Variants in PM20D1 observed in about 807,000 individuals in gnomAD.
PM20D1 encodes peptidase M20 domain containing 1.
In PM20D1, 53 loss-of-function variants were observed where a neutral mutation model predicts 53.8. The observed-to-expected ratio is 0.98, with a 90% CI of 0.79 to 1.24. The LOEUF is 1.24. Ranked by LOEUF, PM20D1 falls within the 50% of genes most tolerant of loss-of-function variation. The probability of loss-of-function intolerance (pLI) is 0.00; values close to 1 mark genes in which losing one functional copy is unlikely to be tolerated. For synonymous variants in PM20D1, 239 were observed against 241.3 expected (o/e 0.99, Z 0.09); for missense variants, 564 against 616.8 (o/e 0.91, Z 0.91).
chr1:205,846,564 C>A (rs1656990118), intron 2 of PM20D1, among the ~76,000 whole-genome samples: 1 of 151,970 alleles, frequency 6.6e-6, no homozygotes, highest in Non-Finnish European at 1.5e-5. Flanking sequence ...AATTAGTAGG[C>A]CTCATTAACC....
At chr1:205,838,233 T>C (rs1414739635) in intron 10 of PM20D1, among the ~76,000 whole-genome samples, 1 of 151,534 alleles carries the variant, frequency 6.6e-6, no homozygotes, top group Non-Finnish European at 1.5e-5. Flanking sequence ...TGATAGTCAC[T>C]GGGTTGTCTT....
At chr1:205,841,270 C>T (rs977422841) in intron 9 of PM20D1, among the ~76,000 whole-genome samples, 3 of 152,112 alleles carry the variant, frequency 2.0e-5, no homozygotes, top group Admixed American at 6.5e-5. Flanking sequence ...TCTTTGAACT[C>T]GTATGGTGCA....
In PM20D1 at chr1:205,843,707, T is replaced by C. The variant is rs755511275; in HGVS notation, c.787A>G (p.Lys263Glu). The change falls in exon 6 of 13, where the codon AAG becomes GAG. Residue 263 changes from lysine (K) to glutamate (E), a missense_variant. Lys to Glu is a moderately conservative substitution (Grantham distance 56). Coordinates refer to ENST00000367136, the MANE Select transcript of PM20D1 (RefSeq NM_152491.5). ...MTSGHSSAPP[K>E]ETSIGILAAA... ...GCAAGGATGCCAATGCTTGTCTCCT[T>C]TGGAGGAGCTGAAGAGTGGCCTGAA... is the stretch of plus-strand genomic sequence containing the variant. 2.5e-5 allele frequency: 40 copies of C among 1,614,108 alleles called. No individual in the cohort carries two copies. The highest frequency in any genetic ancestry group is 3.4e-5 in the Non-Finnish European group (40 of 1,180,020).
chr1:205,843,840 C>T (rs1656876166), intron 5 of PM20D1, 54 bp from the exon 6 acceptor site: 2 of 1,586,052 alleles, frequency 1.3e-6, no homozygotes, highest in East Asian at 2.2e-5. Context: ...TCTGAATTCT[C>T]CCATAGGCCC....
chr1:205,842,584 A>G (rs1404778716), intron 7 of PM20D1, 92 bp downstream of exon 7: 4 of 1,247,976 alleles, frequency 3.2e-6, no homozygotes, highest in Non-Finnish European at 4.7e-6. Flanking sequence ...AGTGCTGGAC[A>G]GTACTAGGGT....
intron 4 of PM20D1, 30 bp downstream of exon 4, chr1:205,844,781 A>C: frequency 1.3e-4 from 201 of 1,573,986 alleles, no homozygotes; most frequent in Non-Finnish European, 1.6e-4. Flanking sequence ...AACAGAGGAC[A>C]GAGATAGGTA....
rs1482998698 is a variant in PM20D1 at position 205,842,140 on chromosome 1, A to G, written c.965+14T>C. On this transcript the variant is annotated intron_variant, in intron 8 of 12. Coordinates refer to ENST00000367136, the MANE Select transcript of PM20D1 (RefSeq NM_152491.5). ...GAGGTGAGGGATGTGAAAAAAGGAA[A>G]GATAATACTTTACCTGCTTATAAGT... 1.9e-6 allele frequency: 3 copies of G among 1,604,934 alleles called. No individual in the cohort carries two copies. The highest frequency in any genetic ancestry group is 8.5e-7 in the Non-Finnish European group (1 of 1,171,618).
At chr1:205,832,888 A>AT (rs1656595040) in intron 10 of PM20D1, 122 bp from the exon 11 acceptor site, 56 of 1,156,508 alleles carry the variant, frequency 4.8e-5, no homozygotes, top group South Asian at 7.5e-5. Flanking sequence ...GACAGGACTT[A>AT]TTTTTTTTAA....
intron 10 of PM20D1, among the ~76,000 whole-genome samples, chr1:205,837,866 TA>T (rs1656716504): frequency 1.3e-5 from 2 of 151,870 alleles, no homozygotes; most frequent in African/African-American, 4.8e-5. Flanking sequence ...GGAAAAAAAC[TA>T]GTGGAAAGAA....
chr1:205,845,521 T>G lies in PM20D1; in HGVS notation c.293A>C (p.His98Pro). 6.2e-7 allele frequency: 1 copy of G among 1,614,228 alleles called. No homozygotes were observed. The highest frequency in any genetic ancestry group is 8.5e-7 in the Non-Finnish European group (1 of 1,180,032). Reference protein sequence around the residue: ...PTVVSTSFIQHEVVEEYSHLF... With the variant: ...PTVVSTSFIQPEVVEEYSHLF... ...GTGGCTATACTCTTCCACGACTTCA[T>G]GCTGGATAAAGCTGGTGCTGACCAC... is the stretch of plus-strand genomic sequence containing the variant. The change falls in exon 3 of 13, where the codon CAT (histidine) becomes CCT (proline). Residue 98 changes from histidine to proline, a missense_variant. Coordinates refer to ENST00000367136, the MANE Select transcript of PM20D1 (RefSeq NM_152491.5).
chr1:205,846,618 T>C (rs1240516040), intron 2 of PM20D1, among the ~76,000 whole-genome samples: 6 of 152,170 alleles, frequency 3.9e-5, no homozygotes, highest in African/African-American at 1.4e-4. Context: ...GAGACATTTT[T>C]CTTTTTAAAA....
chr1:205,835,226 C>T, intron 10 of PM20D1, among the ~76,000 whole-genome samples: 1 of 152,176 alleles, frequency 6.6e-6, no homozygotes, highest in African/African-American at 2.4e-5. Context: ...GACAAGGTAA[C>T]AGATCGTCTG....
chr1:205,833,268 T>C (rs573188441), intron 10 of PM20D1, among the ~76,000 whole-genome samples: 24 of 152,362 alleles, frequency 1.6e-4, no homozygotes, highest in African/African-American at 5.8e-4. Context: ...CAGGAAGTTA[T>C]GTATCTTTCC....
At chr1:205,842,343 G>A (rs1656831518) in intron 7 of PM20D1, 128 bp from the exon 8 acceptor site, 2 of 825,068 alleles carry the variant, frequency 2.4e-6, no homozygotes, top group Non-Finnish European at 4.0e-6. Context: ...GCTAAATTCA[G>A]TTAGCTCAAT....
In PM20D1 at chr1:205,844,134, GCC is replaced by G. The variant is rs762592892; in HGVS notation, c.658_659del (p.Gly220LeufsTer5). On this transcript the variant is annotated frameshift_variant, in exon 5 of 13. Transcript: ENST00000367136. LOFTEE classifies it high-confidence loss of function. ...VQLAFIVDEG[G>X]FILDDFIPNF... ...TAGGAATGAAATCATCCAAGATGAA[GCC>G]CCCCTCGTCCACAATGAAGGCTAGC... 9.9e-6 allele frequency: 16 copies of G among 1,613,822 alleles called. No homozygotes were observed. The East Asian group carries it at 3.6e-4, about 36-fold the overall frequency.
At chr1:205,844,284 G>A (rs1360907796) in intron 4 of PM20D1, 67 bp from the exon 5 acceptor site, 2 of 1,492,034 alleles carry the variant, frequency 1.3e-6, no homozygotes, top group Middle Eastern at 1.8e-4. Context: ...CATAGCTAAT[G>A]GGGACCTATT....
At chr1:205,849,525 C>T (rs999343851) in intron 1 of PM20D1, among the ~76,000 whole-genome samples, 1 of 152,094 alleles carries the variant, frequency 6.6e-6, no homozygotes, top group African/African-American at 2.4e-5. Context: ...TATCATTTGT[C>T]TTATTTTACG....
At chr1:205,845,184 G>T in intron 3 of PM20D1, 141 bp downstream of exon 3, 1 of 850,596 alleles carries the variant, frequency 1.2e-6, no homozygotes, top group Non-Finnish European at 1.8e-6. Flanking sequence ...GAAGGGAAGT[G>T]ACAAACTGAT....
intron 12 of PM20D1, 114 bp from the exon 13 acceptor site, chr1:205,828,857 TC>T: frequency 7.2e-7 from 1 of 1,387,134 alleles, no homozygotes; most frequent in Non-Finnish European, 9.7e-7. Flanking sequence ...CTACTGGCCC[TC>T]CAGGGCTAGG....
Sources: gnomAD v4.1 joint callset for allele counts (sites outside exome capture counted in the v4.1 genomes callset) on GRCh38, gnomAD v4.1.1 for gene constraint, MANE v1.5 for transcripts, NCBI Gene and HGNC (gene_info 2026-07-23, HGNC 2026-07-21) for gene names.